PKM: variants seen among roughly 807,000 people sequenced by gnomAD.
PKM encodes pyruvate kinase PKM.
In PKM, 18 loss-of-function variants were observed where a neutral mutation model predicts 49.8. The observed-to-expected ratio is 0.36, with a 90% confidence interval of 0.25 to 0.54. PKM has a LOEUF of 0.54. Ranked by LOEUF, PKM falls within the 20% of genes least tolerant of loss-of-function variation. The pLI, the probability that PKM is intolerant of heterozygous loss-of-function variation, is 0.89. For missense variants in PKM, 508 were observed against 713.8 expected (o/e 0.71, Z 3.28); for synonymous variants, 239 against 261.8 (o/e 0.91, Z 0.84).
At position 72,207,243 on chromosome 15, in the gene PKM, T is replaced by C; in HGVS notation, c.871A>G (p.Met291Val). Residue 291 changes from methionine (M) to valine (V), a missense_variant, in exon 7 of 11, where the codon ATG becomes GTG. Met to Val is a conservative substitution (Grantham distance 21, BLOSUM62 1). Coordinates refer to ENST00000335181, the MANE Select transcript of PKM (RefSeq NM_002654.6). ...ATGCCTAGATCACCACGAGCCACCA[T>C]GATCCCATCACTGGCCTCCAGGATT... ...DEILEASDGI[M>V]VARGDLGIEI... The C allele has an allele frequency of 6.2e-7, 1 of 1,614,118 alleles. No individual in the cohort carries two copies. The highest frequency in any genetic ancestry group is 8.5e-7 in the Non-Finnish European group (1 of 1,179,976).
At chr15:72,206,552 A>G (rs2082083301) in intron 8 of PKM, 176 bp downstream of exon 8, 1 of 617,086 alleles carries the variant, frequency 1.6e-6, no homozygotes, top group Non-Finnish European at 2.8e-6. Context: ...GCAGAACAGG[A>G]GAAAAAAAAA....
chr15:72,221,160 G>C (rs180812458), intron 1 of PKM: 2 of 1,473,762 alleles, frequency 1.4e-6, no homozygotes, highest in Non-Finnish European at 1.8e-6. Context: ...CTGAATATCA[G>C]GTCATACCTT....
chr15:72,208,477 A>G, intron 6 of PKM, 144 bp downstream of exon 6: 1 of 861,784 alleles, frequency 1.2e-6, no homozygotes, highest in Non-Finnish European at 1.9e-6. Context: ...CTACTCTCCT[A>G]AGATATTCTG....
At chr15:72,201,682 G>C (rs752475680) in intron 9 of PKM, 1 of 152,372 alleles carries the variant, frequency 6.6e-6, no homozygotes, top group African/African-American at 2.4e-5. Flanking sequence ...TGGGAGGCTG[G>C]AGCCCTCTGC....
At position 72,225,336 on chromosome 15, in the gene PKM, C is replaced by CT. The variant is rs972761350; in HGVS notation, c.-14+5779dup. On this transcript the variant is annotated intron_variant, in intron 1 of 10. Coordinates refer to ENST00000335181, the MANE Select transcript of PKM (RefSeq NM_002654.6). ...CAACCCTTTCCACCTCCATCTTAAA[C>CT]TTTTTTTTCTATTTTATTTATTTAA... 4.6e-5 allele frequency among the ~76,000 whole-genome samples: 7 copies of CT among 151,014 alleles called. No homozygotes were observed. The South Asian group carries it at 1.5e-3, about 32-fold the overall frequency.
intron 1 of PKM, among the ~76,000 whole-genome samples, chr15:72,230,734 CG>C (rs1413903054): frequency 5.9e-5 from 9 of 151,860 alleles, no homozygotes; most frequent in Non-Finnish European, 1.0e-4. Context: ...AAAACGAGCA[CG>C]GAACAGGCGG....
intron 6 of PKM, among the ~76,000 whole-genome samples, chr15:72,207,818 C>T (rs1049211409): frequency 6.6e-6 from 1 of 151,934 alleles, no homozygotes; most frequent in African/African-American, 2.4e-5. Flanking sequence ...AAGGGGAGGA[C>T]CCCAAATTGC....
At chr15:72,216,288 C>T (rs1414151905) in intron 3 of PKM, among the ~76,000 whole-genome samples, 3 of 152,180 alleles carry the variant, frequency 2.0e-5, no homozygotes, top group Non-Finnish European at 2.9e-5. Flanking sequence ...AATGCCATTA[C>T]GAAATCCCAT....
At chr15:72,210,586 CT>C in intron 3 of PKM, 108 bp from the exon 4 acceptor site, 1 of 1,228,752 alleles carries the variant, frequency 8.1e-7, no homozygotes, top group Non-Finnish European at 1.2e-6. Flanking sequence ...CCGTGGATGT[CT>C]TAGAGCTCTA....
At chr15:72,212,735 C>T (rs1478079349) in intron 3 of PKM, among the ~76,000 whole-genome samples, 8 of 152,050 alleles carry the variant, frequency 5.3e-5, no homozygotes, top group Admixed American at 4.6e-4. Context: ...TGCTGTCCTG[C>T]GGAAGGCTCT....
chr15:72,229,936 AGAAAG>A (rs1243318482), intron 1 of PKM, among the ~76,000 whole-genome samples: 2 of 146,832 alleles, frequency 1.4e-5, no homozygotes, highest in Admixed American at 6.8e-5. Context: ...GAAAGAAAAA[AGAAAG>A]GAAAAGAAAG....
intron 1 of PKM, chr15:72,230,895 C>G: frequency 7.8e-7 from 1 of 1,282,578 alleles, no homozygotes; most frequent in Middle Eastern, 2.7e-4. Flanking sequence ...AGCCGGCGGA[C>G]CCGCCTGATC....
Position 72,210,470 on chromosome 15 carries a change from C to A in PKM, c.255G>T (p.Ala85=). Residue 85 remains alanine (A), a synonymous_variant, in exon 4 of 11, where the codon GCG becomes GCT. Transcript: ENST00000335181. ...CTGTGCGCACATTCTTGATGGTCTC[C>A]GCATGGTACTGGGGGAAAAGAAGGA... The part of the protein sequence containing the change: ...NFSHGTHEYH[A]ETIKNVRTAT... 6 of 1,614,112 alleles carry A rather than the reference C, an allele frequency of 3.7e-6. No individual in the cohort carries two copies. The highest frequency in any genetic ancestry group is 5.1e-6 in the Non-Finnish European group (6 of 1,179,998).
chr15:72,230,045 T>C (rs1365657858), intron 1 of PKM, among the ~76,000 whole-genome samples: 1 of 152,082 alleles, frequency 6.6e-6, no homozygotes, highest in East Asian at 1.9e-4. Flanking sequence ...CCCAAGGCCA[T>C]CGCCCGGTGA....
Position 72,230,811 on chromosome 15 carries a change from G to A in PKM, c.-14+305C>T, listed in dbSNP as rs1373347145. The A allele has an allele frequency of 5.6e-5, 32 of 575,380 alleles. No homozygotes were observed. In the Admixed American group the frequency reaches 9.1e-4, roughly 16 times the overall value. 35.6% of individuals were successfully genotyped at this position (575,380 alleles called of 1,614,324 possible). A position where few individuals can be genotyped will look rare whatever the true frequency, so the allele number is the denominator to read the frequency against. ...GACCGAGAGAAGGCAGGCGAGGATG[G>A]AGGCGCATTGAGGATTGGGGCAGGA... On this transcript the variant is annotated intron_variant, in intron 1 of 10. Transcript: ENST00000335181.
chr15:72,215,289 C>T (rs2140718522), intron 3 of PKM, among the ~76,000 whole-genome samples: 1 of 152,254 alleles, frequency 6.6e-6, no homozygotes, highest in East Asian at 1.9e-4. Flanking sequence ...CAACGTTCTG[C>T]TCAGAAGAGC....
At chr15:72,206,077 G>C (rs893220498) in intron 8 of PKM, among the ~76,000 whole-genome samples, 1 of 152,164 alleles carries the variant, frequency 6.6e-6, no homozygotes, top group Non-Finnish European at 1.5e-5. Context: ...GTCTCTATCT[G>C]TGGCCCTGCC....
At position 72,219,092 on chromosome 15, in the gene PKM, C is replaced by T. The variant is rs764776324; in HGVS notation, c.6G>A (p.Ser2=). The stretch of plus-strand genomic sequence containing the variant: ...CAGTCCCGGCTTCACTATGGGGCTT[C>T]GACATGGCTGCTGAGGTCCTGGGTC... M[S]KPHSEAGTAF... is the part of the protein sequence containing the mutation. The change falls in exon 2 of 11, where the codon TCG becomes TCA. Residue 2 remains serine, a synonymous_variant. Coordinates refer to ENST00000335181, the MANE Select transcript of PKM (RefSeq NM_002654.6). 18 of 1,613,326 alleles carry T rather than the reference C, an allele frequency of 1.1e-5. No homozygotes were observed. The highest frequency in any genetic ancestry group is 2.2e-5 in the South Asian group (2 of 91,074).
Position 72,202,570 on chromosome 15 carries a change from T to A in PKM, c.1191A>T (p.Glu397Asp). ...AAIYHLQLFEELRRLAPITSD... is the reference protein window; with the variant it reads ...AAIYHLQLFEDLRRLAPITSD... ...TGGTAATGGGCGCCAGGCGGCGGAG[T>A]TCCTCAAATAATTGCAAGTGGTAGA... The change falls in exon 9 of 11, where the codon GAA (glutamate) becomes GAT (aspartate). Residue 397 changes from glutamate to aspartate, a missense_variant. Glu to Asp is a conservative substitution (Grantham distance 45). Coordinates refer to ENST00000335181, the MANE Select transcript of PKM (RefSeq NM_002654.6). The surrounding 1 kb of genome is among the most constrained non-coding windows in gnomAD (Gnocchi z 4.5). The A allele has an allele frequency of 2.5e-6, 4 of 1,613,458 alleles. No individual in the cohort carries two copies. Among genetic ancestry groups the A allele is most frequent in the Non-Finnish European group, 3.4e-6 (4 of 1,179,898 alleles).
Sources: gnomAD v4.1 joint callset for allele counts (sites outside exome capture counted in the v4.1 genomes callset) on GRCh38, gnomAD v4.1.1 for gene constraint, Gnocchi (gnomAD v3.1) non-coding constraint, MANE v1.5 for transcripts, NCBI Gene and HGNC (gene_info 2026-07-23, HGNC 2026-07-21) for gene names.